MAST4: variants seen among roughly 807,000 people sequenced by gnomAD.
MAST4 encodes microtubule associated serine/threonine kinase family member 4, also known as microtubule-associated serine/threonine-protein kinase 4.
Under a neutral mutation model 162.7 loss-of-function variants are expected in MAST4, and 89 were observed. The observed-to-expected ratio is 0.55, with a 90% CI of 0.46 to 0.65. The LOEUF (loss-of-function observed/expected upper bound fraction) is 0.65, where lower values mean the gene tolerates loss of function less well. MAST4 is among the 30% of genes least tolerant of loss of function. MAST4 has a pLI of 0.00. For synonymous variants in MAST4, 1,479 were observed against 1,361.1 expected, an observed-to-expected ratio of 1.09 and a Z score of -1.91; for missense variants, 3,153 against 3,374.0, an observed-to-expected ratio of 0.93 and a Z score of 1.62.
At chr5:66,625,806 T>C (rs1744386608) in intron 1 of MAST4, among the ~76,000 whole-genome samples, 1 of 152,166 alleles carries the variant, frequency 6.6e-6, no homozygotes, top group African/African-American at 2.4e-5. Context: ...TCAAAGGAAC[T>C]GAAATCAGGA....
At chr5:66,887,656 C>T (rs1762124046) in intron 3 of MAST4, among the ~76,000 whole-genome samples, 1 of 152,176 alleles carries the variant, frequency 6.6e-6, no homozygotes, top group Non-Finnish European at 1.5e-5. Context: ...TCAATTTCCC[C>T]ATCTGAAAAA....
chr5:67,071,086 G>A (rs904675420), intron 5 of MAST4, among the ~76,000 whole-genome samples: 3 of 152,110 alleles, frequency 2.0e-5, no homozygotes, highest in African/African-American at 4.8e-5. Context: ...ATGGAACAAA[G>A]TCAATGATCA....
At chr5:66,772,513 C>T (rs768765355) in intron 2 of MAST4, among the ~76,000 whole-genome samples, 7 of 152,096 alleles carry the variant, frequency 4.6e-5, no homozygotes, top group Non-Finnish European at 7.4e-5. Flanking sequence ...TGGTAAATTG[C>T]ACTATACATG....
At chr5:67,004,319 A>G (rs1211970559) in intron 4 of MAST4, among the ~76,000 whole-genome samples, 1 of 152,188 alleles carries the variant, frequency 6.6e-6, no homozygotes, top group Non-Finnish European at 1.5e-5. Flanking sequence ...GTCCAGGGAC[A>G]AGGCCCTGCC....
intron 2 of MAST4, among the ~76,000 whole-genome samples, chr5:66,760,508 A>G (rs1195445499): frequency 6.6e-6 from 1 of 152,118 alleles, no homozygotes. Context: ...AATGTTTCCC[A>G]TGCTCTTCCT....
intron 4 of MAST4, among the ~76,000 whole-genome samples, chr5:67,037,558 T>G (rs1050432835): frequency 6.6e-6 from 1 of 152,216 alleles, no homozygotes; most frequent in African/African-American, 2.4e-5. Flanking sequence ...CTGGATCTTA[T>G]CAATTTTTAA....
chr5:67,057,235 A>G (rs1313945385), intron 5 of MAST4, among the ~76,000 whole-genome samples: 5 of 152,098 alleles, frequency 3.3e-5, no homozygotes, highest in Non-Finnish European at 7.4e-5. Context: ...TTCTGTTGCT[A>G]TGTTCTCTAT....
At chr5:67,031,720 A>C (rs994677084) in intron 4 of MAST4, among the ~76,000 whole-genome samples, 1 of 152,090 alleles carries the variant, frequency 6.6e-6, no homozygotes, top group African/African-American at 2.4e-5. Context: ...ATATCCCTAC[A>C]ATCTAAATTG....
intron 23 of MAST4, among the ~76,000 whole-genome samples, chr5:67,147,597 A>C (rs964336936): frequency 8.5e-5 from 13 of 152,236 alleles, no homozygotes; most frequent in Non-Finnish European, 1.6e-4. Flanking sequence ...AAACGTATCC[A>C]ACAATTACTC....
At chr5:66,984,876 C>T (rs1220464853) in intron 4 of MAST4, among the ~76,000 whole-genome samples, 1 of 151,822 alleles carries the variant, frequency 6.6e-6, no homozygotes, top group Non-Finnish European at 1.5e-5. Context: ...CTTGAGAGGG[C>T]GGGGAGCAGG....
At chr5:67,160,248 ACTCACC>A (rs1230917329) in intron 26 of MAST4, among the ~76,000 whole-genome samples, 7 of 152,156 alleles carry the variant, frequency 4.6e-5, no homozygotes, top group Admixed American at 6.5e-5. Flanking sequence ...GGACTCCAGA[ACTCACC>A]CTCGTAAAGA....
intron 3 of MAST4, among the ~76,000 whole-genome samples, chr5:66,820,007 A>C (rs1756918782): frequency 6.6e-6 from 1 of 150,520 alleles, no homozygotes. Context: ...AAACTTCTTA[A>C]ACATTACAAA....
chr5:66,935,025 T>C (rs1742586320), intron 4 of MAST4, among the ~76,000 whole-genome samples: 2 of 152,230 alleles, frequency 1.3e-5, no homozygotes, highest in African/African-American at 4.8e-5. Flanking sequence ...ACTTAGTAGC[T>C]GTATGACTTT....
chr5:66,875,440 C>T (rs1189110122), intron 3 of MAST4, among the ~76,000 whole-genome samples: 1 of 152,202 alleles, frequency 6.6e-6, no homozygotes, highest in African/African-American at 2.4e-5. Context: ...AACTTATTAA[C>T]TATGACTTTG....
rs764064946 is a variant in MAST4 at position 67,131,795 on chromosome 5, CTT to C, written c.1955-14_1955-13del. The C allele has an allele frequency of 1.2e-6, 2 of 1,610,640 alleles. No homozygotes were observed. Among genetic ancestry groups the C allele is most frequent in the Non-Finnish European group, 1.7e-6 (2 of 1,178,370 alleles). ...AGCCTTCATCCTATAGCTACTAACT[CTT>C]TTTCCTGTGTTACAGGGGGAGACTG... On this transcript the variant is annotated splice_polypyrimidine_tract_variant and intron_variant, in intron 15 of 28. Transcript: ENST00000403625.
chr5:66,911,570 CCCCCCG>C lies in MAST4; in HGVS notation c.674+11590_674+11595del, dbSNP rs1417520884. ...ACAAACAACAACAACCCCCCCCCCC[CCCCCCG>C]CAAAAAAAAATTAGCTAGGCATGGT... On this transcript the variant is annotated intron_variant, in intron 4 of 28. Coordinates refer to ENST00000403625, the MANE Select transcript of MAST4 (RefSeq NM_001164664.2). Among the ~76,000 whole-genome samples, 179 of 84,218 alleles carry C rather than the reference CCCCCCG, an allele frequency of 2.1e-3. 5 individuals carry two copies. Among genetic ancestry groups the C allele is most frequent in the African/African-American group, 8.2e-3 (176 of 21,476 alleles). 55.3% of individuals were successfully genotyped at this position (84,218 alleles called of 152,430 possible). A position where few individuals can be genotyped will look rare whatever the true frequency, so the allele number is the denominator to read the frequency against.
chr5:66,992,908 C>T (rs1461636317), intron 4 of MAST4, among the ~76,000 whole-genome samples: 1 of 152,154 alleles, frequency 6.6e-6, no homozygotes, highest in Non-Finnish European at 1.5e-5. Flanking sequence ...TCTTGATTCT[C>T]ATCTTTTCTC....
intron 4 of MAST4, among the ~76,000 whole-genome samples, chr5:66,957,791 A>G (rs1435073290): frequency 1.3e-5 from 2 of 152,186 alleles, no homozygotes; most frequent in Non-Finnish European, 2.9e-5. Flanking sequence ...GCTGAGGGAG[A>G]CTTCGTGAAA....
intron 4 of MAST4, among the ~76,000 whole-genome samples, chr5:67,021,784 C>T (rs1185974038): frequency 1.3e-5 from 2 of 152,264 alleles, no homozygotes; most frequent in South Asian, 2.1e-4. Flanking sequence ...ATGAGGACTT[C>T]TGAGAGTTGC....
Sources: gnomAD v4.1 joint callset for allele counts (sites outside exome capture counted in the v4.1 genomes callset) on GRCh38, gnomAD v4.1.1 for gene constraint, MANE v1.5 for transcripts, NCBI Gene and HGNC (gene_info 2026-07-23, HGNC 2026-07-21) for gene names.